SCGB1D2: variants seen among roughly 807,000 people sequenced by gnomAD.
SCGB1D2 encodes lipophilin-B.
In SCGB1D2, 10 loss-of-function variants were observed where a neutral mutation model predicts 10.5. The ratio of observed to expected loss-of-function variants is 0.95; its 90% CI spans 0.59 to 1.61. The LOEUF (loss-of-function observed/expected upper bound fraction) is 1.61, where lower values mean the gene tolerates loss of function less well. Ranked by LOEUF, SCGB1D2 falls within the 40% of genes most tolerant of loss-of-function variation. The pLI is 0.00. For synonymous variants in SCGB1D2, 42 were observed against 42.8 expected, an observed-to-expected ratio of 0.98 and a Z score of 0.08; for missense variants, 113 against 103.8, an observed-to-expected ratio of 1.09 and a Z score of -0.38.
At chr11:62,244,093 G>A (rs948309586) in intron 2 of SCGB1D2, among the ~76,000 whole-genome samples, 5 of 152,134 alleles carry the variant, frequency 3.3e-5, no homozygotes, top group Non-Finnish European at 7.4e-5. Context: ...CCATGGAAGC[G>A]GGATGTTCTC....
chr11:62,244,314 G>A (rs1945091026), intron 2 of SCGB1D2, among the ~76,000 whole-genome samples: 1 of 152,146 alleles, frequency 6.6e-6, no homozygotes, highest in Non-Finnish European at 1.5e-5. Flanking sequence ...GCCCTGACCA[G>A]CCTCTCAGTC....
chr11:62,243,170 A>C, intron 1 of SCGB1D2, 119 bp from the exon 2 acceptor site: 1 of 735,582 alleles, frequency 1.4e-6, no homozygotes, highest in Non-Finnish European at 2.2e-6. Context: ...CATTGTCATC[A>C]GCACAACAAA....
At position 62,244,703 on chromosome 11, in the gene SCGB1D2, G is replaced by C. The variant is rs775600760; in HGVS notation, c.*4G>C. On this transcript the variant is annotated 3_prime_UTR_variant, in exon 3 of 3. Transcript: ENST00000244926. ...ATTGAAGAAATGTAGTGTGTGACAT[G>C]TAAAAACTTTCATCCTGGTTTCCAC... is the stretch of plus-strand genomic sequence containing the variant. 6.2e-7 allele frequency: 1 copy of C among 1,612,178 alleles called. No homozygotes were observed. The highest frequency in any genetic ancestry group is 1.7e-5 in the Admixed American group (1 of 59,908).
At chr11:62,243,933 C>T (rs1397460637) in intron 2 of SCGB1D2, among the ~76,000 whole-genome samples, 1 of 152,098 alleles carries the variant, frequency 6.6e-6, no homozygotes, top group Non-Finnish European at 1.5e-5. Flanking sequence ...GCAGATGTAG[C>T]ACTGGCAGGC....
chr11:62,244,266 G>T (rs1167978084), intron 2 of SCGB1D2, among the ~76,000 whole-genome samples: 4 of 152,112 alleles, frequency 2.6e-5, no homozygotes, highest in Non-Finnish European at 5.9e-5. Flanking sequence ...GGGGAGGCTG[G>T]AGTCTCCTGG....
chr11:62,243,291 A>G lies in SCGB1D2; in HGVS notation c.58A>G (p.Asn20Asp), dbSNP rs1945078891. 13 of 1,608,808 alleles carry G rather than the reference A, an allele frequency of 8.1e-6. No homozygotes were observed. The highest frequency in any genetic ancestry group is 2.7e-5 in the African/African-American group (2 of 74,692). ...VTLALCCYQA[N>D]AEFCPALVSE... ...ATATTTTTATTCTTTTGCTGCAGCC[A>G]ATGCCGAGTTCTGCCCAGCTCTTGT... Residue 20 changes from asparagine to aspartate, a missense_variant and splice_region_variant, in exon 2 of 3, where the codon AAT becomes GAT. By Grantham distance (23) the Asn-to-Asp change is conservative. Coordinates refer to ENST00000244926, the MANE Select transcript of SCGB1D2 (RefSeq NM_006551.4).
At chr11:62,244,507 G>A (rs1022591545) in intron 2 of SCGB1D2, among the ~76,000 whole-genome samples, 163 bp from the exon 3 acceptor site, 1 of 152,176 alleles carries the variant, frequency 6.6e-6, no homozygotes, top group South Asian at 2.1e-4. Flanking sequence ...CATGGGTGCT[G>A]TGAGGCCACC....
chr11:62,244,331 C>A (rs914582037), intron 2 of SCGB1D2, among the ~76,000 whole-genome samples: 1 of 152,140 alleles, frequency 6.6e-6, no homozygotes, highest in East Asian at 1.9e-4. Flanking sequence ...AGTCCTGGGT[C>A]CCTCACTGCA....
At chr11:62,244,225 G>A (rs1181022553) in intron 2 of SCGB1D2, among the ~76,000 whole-genome samples, 3 of 152,186 alleles carry the variant, frequency 2.0e-5, no homozygotes, top group Non-Finnish European at 2.9e-5. Context: ...GGACTGAGAG[G>A]TGCTCGGGCC....
chr11:62,243,038 G>A (rs1945076554), intron 1 of SCGB1D2, among the ~76,000 whole-genome samples: 1 of 152,218 alleles, frequency 6.6e-6, no homozygotes, highest in South Asian at 2.1e-4. Flanking sequence ...GCTGCAGTGA[G>A]CCATGATTGA....
rs539667412 is a variant in SCGB1D2 at position 62,243,477 on chromosome 11, G to A, written c.243+1G>A. The A allele has an allele frequency of 1.9e-6, 3 of 1,611,212 alleles. No homozygotes were observed. Among genetic ancestry groups the A allele is most frequent in the Non-Finnish European group, 1.7e-6 (2 of 1,178,318 alleles). On this transcript the variant is annotated splice_donor_variant, in intron 2 of 2. Transcript: ENST00000244926. LOFTEE classifies it high-confidence loss of function. ...ACGAAGCCTCATTGCGGAAGTCCTG[G>A]TAACTTCTTTCTCCTTTATTTGTTA... is the stretch of plus-strand genomic sequence containing the variant.
At chr11:62,242,440 T>C in intron 1 of SCGB1D2, 78 bp downstream of exon 1, 1 of 1,495,630 alleles carries the variant, frequency 6.7e-7, no homozygotes, top group Admixed American at 1.7e-5. Context: ...CTATTCAGGC[T>C]GGGGTTAGGA....
At chr11:62,243,144 C>T (rs1945077598) in intron 1 of SCGB1D2, 145 bp from the exon 2 acceptor site, 3 of 598,846 alleles carry the variant, frequency 5.0e-6, no homozygotes, top group Non-Finnish European at 8.6e-6. Flanking sequence ...GAGGAAGTCA[C>T]ACCTGAAGGG....
At chr11:62,243,065 C>G (rs1945076762) in intron 1 of SCGB1D2, among the ~76,000 whole-genome samples, 1 of 152,056 alleles carries the variant, frequency 6.6e-6, no homozygotes, top group Non-Finnish European at 1.5e-5. Flanking sequence ...GAATTCCAGC[C>G]TGGGTGACAA....
Position 62,244,751 on chromosome 11 carries a change from C to G in SCGB1D2, c.*52C>G, listed in dbSNP as rs1188898813. 6.9e-7 allele frequency: 1 copy of G among 1,447,358 alleles called. No individual in the cohort carries two copies. The highest frequency in any genetic ancestry group is 9.7e-7 in the Non-Finnish European group (1 of 1,029,586). 89.7% of individuals were successfully genotyped at this position (1,447,358 alleles called of 1,614,324 possible). ...CACTGTCTTTCAATGACACCCTGAT[C>G]TTCACTGCAGAATGTAAAGGTTTCA... On this transcript the variant is annotated 3_prime_UTR_variant, in exon 3 of 3. Coordinates refer to ENST00000244926, the MANE Select transcript of SCGB1D2 (RefSeq NM_006551.4).
chr11:62,244,166 T>G (rs1018593326), intron 2 of SCGB1D2, among the ~76,000 whole-genome samples: 1 of 152,190 alleles, frequency 6.6e-6, no homozygotes, highest in Admixed American at 6.5e-5. Context: ...TGCCTCTGAG[T>G]TGCTGTCCTG....
At chr11:62,242,466 A>C (rs935529041) in intron 1 of SCGB1D2, 104 bp downstream of exon 1, 4 of 1,130,536 alleles carry the variant, frequency 3.5e-6, no homozygotes, top group Non-Finnish European at 5.2e-6. Flanking sequence ...ACAAAACCAA[A>C]ATTCCAAACC....
chr11:62,244,467 C>T (rs1461745110), intron 2 of SCGB1D2, among the ~76,000 whole-genome samples: 2 of 152,142 alleles, frequency 1.3e-5, no homozygotes, highest in African/African-American at 2.4e-5. Flanking sequence ...GGGCTATTGG[C>T]CTGGCAAGAA....
intron 1 of SCGB1D2, 80 bp downstream of exon 1, chr11:62,242,442 G>A: frequency 6.7e-7 from 1 of 1,484,998 alleles, no homozygotes; most frequent in South Asian, 1.1e-5. Context: ...ATTCAGGCTG[G>A]GGTTAGGATC....
Sources: allele counts gnomAD v4.1 joint callset (sites outside exome capture counted in the v4.1 genomes callset), GRCh38; gene constraint gnomAD v4.1.1; transcripts MANE v1.5; gene names NCBI Gene and HGNC (gene_info 2026-07-23, HGNC 2026-07-21).